The following SSBP3 variants were observed in gnomAD, a reference collection of about 807,000 sequenced individuals.
SSBP3 encodes single-stranded DNA-binding protein 3.
In SSBP3, 5 loss-of-function variants were observed where a neutral mutation model predicts 69.6. The ratio of observed to expected loss-of-function variants is 0.07; its 90% CI spans 0.04 to 0.15. SSBP3 has a LOEUF of 0.15. Among genes scored for constraint, SSBP3 ranks in the 10% least tolerant of loss-of-function variants. The probability of loss-of-function intolerance (pLI) is 1.00; values close to 1 mark genes in which losing one functional copy is unlikely to be tolerated. For synonymous variants in SSBP3, 196 were observed against 193.4 expected (o/e 1.01, Z -0.11); for missense variants, 312 against 534.0 (o/e 0.58, Z 4.10).
At chr1:54,394,661 T>C (rs1648729106) in intron 4 of SSBP3, among the ~76,000 whole-genome samples, 2 of 151,052 alleles carry the variant, frequency 1.3e-5, no homozygotes, top group Admixed American at 6.6e-5. Context: ...TGGCTGACAC[T>C]TCCCTTCTCA....
At chr1:54,275,686 CATT>C (rs1645271686) in intron 5 of SSBP3, among the ~76,000 whole-genome samples, 1 of 152,248 alleles carries the variant, frequency 6.6e-6, no homozygotes, top group Non-Finnish European at 1.5e-5. Context: ...ACCACTTCAT[CATT>C]AATTTGGCAG....
intron 4 of SSBP3, among the ~76,000 whole-genome samples, chr1:54,366,968 C>G (rs1347624342): frequency 6.6e-6 from 1 of 152,210 alleles, no homozygotes; most frequent in African/African-American, 2.4e-5. Context: ...CACTAAGCCT[C>G]TCAGAGCCTC....
chr1:54,300,684 AT>A (rs1645785684), intron 4 of SSBP3, among the ~76,000 whole-genome samples: 1 of 152,160 alleles, frequency 6.6e-6, no homozygotes, highest in Non-Finnish European at 1.5e-5. Context: ...TGAAATTTTG[AT>A]TCTCAAGCTA....
chr1:54,394,118 A>C (rs894193277), intron 4 of SSBP3, among the ~76,000 whole-genome samples: 1 of 152,202 alleles, frequency 6.6e-6, no homozygotes, highest in Non-Finnish European at 1.5e-5. Flanking sequence ...GAGGTTACTT[A>C]AGGTGTCCAT....
At chr1:54,389,755 T>G (rs1648349655) in intron 4 of SSBP3, among the ~76,000 whole-genome samples, 1 of 151,972 alleles carries the variant, frequency 6.6e-6, no homozygotes, top group African/African-American at 2.4e-5. Flanking sequence ...CACATGCCTG[T>G]AGTCCCAGTT....
intron 4 of SSBP3, among the ~76,000 whole-genome samples, chr1:54,382,607 T>A (rs930309960): frequency 1.3e-5 from 2 of 152,164 alleles, no homozygotes; most frequent in Non-Finnish European, 2.9e-5. Context: ...ACTGATACTA[T>A]TAGGACAATT....
chr1:54,330,821 C>T (rs139669016), intron 4 of SSBP3, among the ~76,000 whole-genome samples: 32 of 152,318 alleles, frequency 2.1e-4, no homozygotes, highest in African/African-American at 7.0e-4. Flanking sequence ...CTTAACAGAT[C>T]GCCAACGCAG....
At chr1:54,341,550 C>T (rs1646606432) in intron 4 of SSBP3, among the ~76,000 whole-genome samples, 1 of 152,146 alleles carries the variant, frequency 6.6e-6, no homozygotes. Flanking sequence ...AAGTGCTGTG[C>T]TGGGCAAGGA....
intron 9 of SSBP3, among the ~76,000 whole-genome samples, chr1:54,244,307 T>A (rs962808670): frequency 5.3e-5 from 8 of 152,236 alleles, no homozygotes; most frequent in Non-Finnish European, 1.0e-4. Context: ...TTTCACCATG[T>A]TGGCCAGGCT....
chr1:54,265,128 G>A (rs750632249), intron 5 of SSBP3, among the ~76,000 whole-genome samples: 9 of 152,178 alleles, frequency 5.9e-5, no homozygotes, highest in South Asian at 2.1e-4. Context: ...ATGGACATCC[G>A]GAATCTGTCA....
chr1:54,262,671 C>T (rs1161142318), intron 5 of SSBP3, among the ~76,000 whole-genome samples: 1 of 152,224 alleles, frequency 6.6e-6, no homozygotes, highest in African/African-American at 2.4e-5. Flanking sequence ...CACTCCCAGA[C>T]AGGTAAACTG....
At chr1:54,250,078 C>T (rs113111638) in intron 9 of SSBP3, among the ~76,000 whole-genome samples, 9,887 of 152,320 alleles carry the variant, frequency 0.065, 427 homozygotes, top group South Asian at 0.22. Context: ...GGGGAAGCTC[C>T]GCTCCTACTC....
chr1:54,226,838 AAAAGGTCCTTTGGGG>A, exon 18 of SSBP3: 1 of 417,610 alleles, frequency 2.4e-6, no homozygotes, highest in Non-Finnish European at 4.5e-6. Context: ...TCATGTACAG[AAAAGGTCCTTTGGGG>A]AAAGGGCAAG....
At chr1:54,350,131 T>C (rs1347236233) in intron 4 of SSBP3, among the ~76,000 whole-genome samples, 1 of 152,096 alleles carries the variant, frequency 6.6e-6, no homozygotes, top group African/African-American at 2.4e-5. Context: ...AAAAGGCATC[T>C]CAGCAGAGTG....
intron 4 of SSBP3, among the ~76,000 whole-genome samples, chr1:54,290,350 C>T (rs1346309763): frequency 3.3e-5 from 5 of 152,178 alleles, no homozygotes; most frequent in Non-Finnish European, 2.9e-5. Flanking sequence ...AGCCAAGGTA[C>T]GGGTTCAGCA....
At chr1:54,298,038 C>A (rs1022826528) in intron 4 of SSBP3, among the ~76,000 whole-genome samples, 1 of 152,166 alleles carries the variant, frequency 6.6e-6, no homozygotes, top group Admixed American at 6.5e-5. Context: ...CTTCTGCCCC[C>A]TCATGCTCCC....
chr1:54,247,744 ACCGCACTTCTGGTGGGGGCT>A (rs1489217349), intron 9 of SSBP3, among the ~76,000 whole-genome samples: 2 of 152,072 alleles, frequency 1.3e-5, no homozygotes, highest in Non-Finnish European at 1.5e-5. Flanking sequence ...TCTGGGAGCC[ACCGCACTTCTGGTGGGGGCT>A]GGCATTCTCT....
At chr1:54,239,220 A>C in intron 13 of SSBP3, 21 bp from the exon 14 acceptor site, 1 of 1,588,494 alleles carries the variant, frequency 6.3e-7, no homozygotes, top group Non-Finnish European at 8.6e-7. Flanking sequence ...GTGGAAACCC[A>C]CAAGTCGGGG....
At chr1:54,348,377 A>G (rs1247028824) in intron 4 of SSBP3, among the ~76,000 whole-genome samples, 1 of 151,950 alleles carries the variant, frequency 6.6e-6, no homozygotes, top group Non-Finnish European at 1.5e-5. Flanking sequence ...GGAAGTAGAC[A>G]TCCTCCTGCC....
Sources: allele counts gnomAD v4.1 joint callset (sites outside exome capture counted in the v4.1 genomes callset), GRCh38; gene constraint gnomAD v4.1.1; transcripts MANE v1.5; gene names NCBI Gene and HGNC (gene_info 2026-07-23, HGNC 2026-07-21).